The following ALPK3 variants were observed in gnomAD, a reference collection of about 807,000 sequenced individuals.
ALPK3 encodes alpha kinase 3, also known as alpha-protein kinase 3.
In ALPK3, 102 loss-of-function variants were observed where a neutral mutation model predicts 140.0. The ratio of observed to expected loss-of-function variants is 0.73; its 90% CI spans 0.62 to 0.86. The LOEUF (loss-of-function observed/expected upper bound fraction) is 0.86, where lower values mean the gene tolerates loss of function less well. Ranked by LOEUF, ALPK3 falls within the 40% of genes least tolerant of loss-of-function variation. ALPK3 has a pLI of 0.00. For missense variants in ALPK3, 2,254 were observed against 2,208.2 expected, an observed-to-expected ratio of 1.02 and a Z score of -0.42; for synonymous variants, 938 against 898.5, an observed-to-expected ratio of 1.04 and a Z score of -0.79.
intron 5 of ALPK3, among the ~76,000 whole-genome samples, chr15:84,847,673 A>C (rs1333047236): frequency 6.6e-6 from 1 of 152,244 alleles, no homozygotes; most frequent in Non-Finnish European, 1.5e-5. Flanking sequence ...TTCTACATTT[A>C]GCAAAAATAT....
At chr15:84,863,010 G>C in intron 10 of ALPK3, 95 bp downstream of exon 10, 1 of 1,495,934 alleles carries the variant, frequency 6.7e-7, no homozygotes. Flanking sequence ...TATCGAGGCA[G>C]AAGGCATCTC....
At chr15:84,826,298 A>G (rs1237345430) in intron 2 of ALPK3, among the ~76,000 whole-genome samples, 1 of 152,192 alleles carries the variant, frequency 6.6e-6, no homozygotes, top group Non-Finnish European at 1.5e-5. Flanking sequence ...CCTGGCAGAG[A>G]GGCCATGGAC....
At chr15:84,841,511 T>C (rs1963667443) in intron 5 of ALPK3, among the ~76,000 whole-genome samples, 1 of 152,210 alleles carries the variant, frequency 6.6e-6, no homozygotes, top group Non-Finnish European at 1.5e-5. Flanking sequence ...ACCTACTTCG[T>C]AGGGCTGTTG....
At position 84,858,337 on chromosome 15, in the gene ALPK3, T is replaced by C; in HGVS notation, c.3599T>C (p.Leu1200Pro). 2 of 1,558,356 alleles carry C rather than the reference T, an allele frequency of 1.3e-6. No homozygotes were observed. Among genetic ancestry groups the C allele is most frequent in the Non-Finnish European group, 1.7e-6 (2 of 1,151,552 alleles). ...TVSPRGPRKS[L>P]VPGSPGTPGR... ...TCCCCCCGGGGGCCCAGGAAAAGCCTGGTGCCTGGGTCCCCAGGGACTCCA... is the reference window on the plus strand; with the variant it reads ...TCCCCCCGGGGGCCCAGGAAAAGCCCGGTGCCTGGGTCCCCAGGGACTCCA... Residue 1200 changes from leucine (L) to proline (P), a missense_variant, in exon 6 of 14, where the codon CTG (leucine) becomes CCG (proline). By Grantham distance (98) the Leu-to-Pro change is moderately conservative (BLOSUM62 -3). This residue lies in a region of ALPK3 where 2,088 missense variants were observed against 2,022.9 expected (regional missense o/e 1.03). Coordinates refer to ENST00000258888, the MANE Select transcript of ALPK3 (RefSeq NM_020778.5).
At position 84,857,080 on chromosome 15, in the gene ALPK3, C is replaced by T. The variant is rs1399635608; in HGVS notation, c.2342C>T (p.Thr781Ile). Residue 781 changes from threonine to isoleucine, a missense_variant, in exon 6 of 14, where the codon ACA becomes ATA. Thr to Ile is a moderately conservative substitution (Grantham distance 89, BLOSUM62 -1). Coordinates refer to ENST00000258888, the MANE Select transcript of ALPK3 (RefSeq NM_020778.5). ...CCCAGATCTGAGGAGGCAGTAGTAA[C>T]AGCCTCCAGGAACCATGAGCAAACT... ...CLPRSEEAVV[T>I]ASRNHEQTVL... 9.9e-6 allele frequency: 16 copies of T among 1,614,206 alleles called. No individual in the cohort carries two copies. The highest frequency in any genetic ancestry group is 1.3e-5 in the Non-Finnish European group (15 of 1,180,020).
Position 84,840,242 on chromosome 15 carries a change from G to A in ALPK3, c.963G>A (p.Glu321=). The A allele has an allele frequency of 6.2e-7, 1 of 1,613,792 alleles. No individual in the cohort carries two copies. Among genetic ancestry groups the A allele is most frequent in the South Asian group, 1.1e-5 (1 of 91,086 alleles). Reference sequence around the variant, plus strand: ...GGGCCAAGAAGAAAAAGAAAGATGAGGAATCCAAGCAAGGCCTGCGGAAGC... The same window carrying A: ...GGGCCAAGAAGAAAAAGAAAGATGAAGAATCCAAGCAAGGCCTGCGGAAGC... ...ESGAKKKKKD[E]ESKQGLRKPE... is the part of the protein sequence containing the mutation. Residue 321 remains glutamate (E), a synonymous_variant, in exon 5 of 14, where the codon GAG becomes GAA. Transcript: ENST00000258888.
chr15:84,849,336 C>G (rs1287482879), intron 5 of ALPK3, among the ~76,000 whole-genome samples: 2 of 152,156 alleles, frequency 1.3e-5, no homozygotes, highest in Non-Finnish European at 2.9e-5. Context: ...TAACACTCCT[C>G]TCTCTCAGTA....
chr15:84,860,209 A>G, intron 9 of ALPK3, 137 bp downstream of exon 9: 1 of 1,111,238 alleles, frequency 9.0e-7, no homozygotes. Context: ...ATGGCTTGGG[A>G]GATGATGGAG....
intron 9 of ALPK3, 66 bp from the exon 10 acceptor site, chr15:84,862,569 C>A (rs1490297623): frequency 1.3e-6 from 2 of 1,526,472 alleles, no homozygotes; most frequent in Non-Finnish European, 8.8e-7. Context: ...CTTTTCCTTC[C>A]CTGTGAGCCC....
chr15:84,859,274 G>C lies in ALPK3; in HGVS notation c.3849G>C (p.Glu1283Asp), dbSNP rs774175007. 6.2e-7 allele frequency: 1 copy of C among 1,614,188 alleles called. No homozygotes were observed. The highest frequency in any genetic ancestry group is 1.7e-5 in the Admixed American group (1 of 60,028). ...AGGTGATCCGGAAGATTCGGGTGGA[G>C]CAGTTTCCTGATGCCTCCGGTAGCC... ...APQVIRKIRV[E>D]QFPDASGSLK... The change falls in exon 7 of 14, where the codon GAG becomes GAC. Residue 1283 changes from glutamate to aspartate, a missense_variant. By Grantham distance (45) the Glu-to-Asp change is conservative (BLOSUM62 2). Around this residue, in one of 3 missense-constraint regions of ALPK3, gnomAD observed 2,088 missense variants for 2,022.9 expected, o/e 1.03. Coordinates refer to ENST00000258888, the MANE Select transcript of ALPK3 (RefSeq NM_020778.5).
In ALPK3 at chr15:84,857,399, G is replaced by C. The variant is rs142125273; in HGVS notation, c.2661G>C (p.Pro887=). The C allele has an allele frequency of 1.9e-6, 3 of 1,614,102 alleles. No homozygotes were observed. Among genetic ancestry groups the C allele is most frequent in the Admixed American group, 3.3e-5 (2 of 60,030 alleles). ...CAAAGGCGGGGCCGTGTAGCACCCC[G>C]ACTTCTCAGCACGGGAGCACAGCCA... is the stretch of plus-strand genomic sequence containing the variant. ...ASPKAGPCST[P]TSQHGSTATF... The change falls in exon 6 of 14, where the codon CCG becomes CCC. Residue 887 remains proline, a synonymous_variant. Coordinates refer to ENST00000258888, the MANE Select transcript of ALPK3 (RefSeq NM_020778.5).
In ALPK3 at chr15:84,862,848, G is replaced by T. The variant is rs1360903008; in HGVS notation, c.4343G>T (p.Ser1448Ile). 6.2e-7 allele frequency: 1 copy of T among 1,614,036 alleles called. No homozygotes were observed. The highest frequency in any genetic ancestry group is 1.3e-5 in the African/African-American group (1 of 74,918). ...CGCACGTGCATCATCAAGGTGTCCA[G>T]CCTGCTTGTGTTTGGGCCCAGCAGT... is the stretch of plus-strand genomic sequence containing the variant. ...SGRTCIIKVS[S>I]LLVFGPSSET... The change falls in exon 10 of 14, where the codon AGC (serine) becomes ATC (isoleucine). Residue 1448 changes from serine (S) to isoleucine (I), a missense_variant. Coordinates refer to ENST00000258888, the MANE Select transcript of ALPK3 (RefSeq NM_020778.5).
intron 1 of ALPK3, among the ~76,000 whole-genome samples, chr15:84,822,748 C>T (rs1963441443): frequency 6.6e-6 from 1 of 152,200 alleles, no homozygotes; most frequent in Non-Finnish European, 1.5e-5. Context: ...TTGTGTGGAC[C>T]ATGGAGCTGG....
Position 84,823,344 on chromosome 15 carries a change from G to A in ALPK3, c.158G>A (p.Arg53Gln), listed in dbSNP as rs145993158. 3.7e-3 allele frequency: 6,049 copies of A among 1,614,104 alleles called. 18 individuals carry two copies. The highest frequency in any genetic ancestry group is 3.9e-3 in the Non-Finnish European group (4,659 of 1,180,022). ...VRPETSLSSN[R>Q]LSHPSSGRST... Reference sequence around the variant, plus strand: ...TTTTTGCTTAGCTTATCAAGCAACCGGTTGTCTCACCCCAGCTCTGGAAGG... The same window carrying A: ...TTTTTGCTTAGCTTATCAAGCAACCAGTTGTCTCACCCCAGCTCTGGAAGG... Residue 53 changes from arginine (R) to glutamine (Q), a missense_variant, in exon 2 of 14, where the codon CGG (arginine) becomes CAG (glutamine). Arg to Gln is a conservative substitution (Grantham distance 43, BLOSUM62 1). Around this residue, in one of 3 missense-constraint regions of ALPK3, gnomAD observed 2,088 missense variants for 2,022.9 expected, o/e 1.03. Coordinates refer to ENST00000258888, the MANE Select transcript of ALPK3 (RefSeq NM_020778.5).
chr15:84,865,631 T>C (rs1239246154), intron 12 of ALPK3, among the ~76,000 whole-genome samples: 2 of 152,228 alleles, frequency 1.3e-5, no homozygotes, highest in East Asian at 3.8e-4. Flanking sequence ...TAGACCAGTT[T>C]CTACTGTGAG....
chr15:84,821,791 C>G (rs923378880), intron 1 of ALPK3, among the ~76,000 whole-genome samples: 2 of 152,158 alleles, frequency 1.3e-5, no homozygotes, highest in African/African-American at 4.8e-5. Context: ...CTGTGCAGCA[C>G]TGCACTAGGA....
intron 5 of ALPK3, among the ~76,000 whole-genome samples, chr15:84,844,868 G>A (rs1963710905): frequency 1.3e-5 from 2 of 151,774 alleles, no homozygotes; most frequent in Non-Finnish European, 2.9e-5. Flanking sequence ...AAAAAAAAAA[G>A]GTGGAAAAGA....
chr15:84,839,862 G>C lies in ALPK3; in HGVS notation c.583G>C (p.Glu195Gln), dbSNP rs745476445. The C allele has an allele frequency of 5.0e-6, 8 of 1,614,104 alleles. No homozygotes were observed. The highest frequency in any genetic ancestry group is 6.8e-6 in the Non-Finnish European group (8 of 1,180,046). The part of the protein sequence containing the change: ...LKRKAAAKLR[E>Q]IEQSWKHEKA... Reference sequence around the variant, plus strand: ...GCGCAAGGCTGCGGCAAAGCTGCGCGAGATCGAGCAGAGCTGGAAGCACGA... The same window carrying C: ...GCGCAAGGCTGCGGCAAAGCTGCGCCAGATCGAGCAGAGCTGGAAGCACGA... The change falls in exon 5 of 14, where the codon GAG (glutamate) becomes CAG (glutamine). Residue 195 changes from glutamate (E) to glutamine (Q), a missense_variant. Glu to Gln is a conservative substitution (Grantham distance 29). Transcript: ENST00000258888.
chr15:84,858,270 G>A lies in ALPK3; in HGVS notation c.3532G>A (p.Gly1178Arg), dbSNP rs377179290. The change falls in exon 6 of 14, where the codon GGG becomes AGG. Residue 1178 changes from glycine to arginine, a missense_variant. Gly to Arg is a moderately radical substitution (Grantham distance 125, BLOSUM62 -2). Around this residue, in one of 3 missense-constraint regions of ALPK3, gnomAD observed 2,088 missense variants for 2,022.9 expected, o/e 1.03. Coordinates refer to ENST00000258888, the MANE Select transcript of ALPK3 (RefSeq NM_020778.5). ...FLPKVRAAGD[G>R]EATTPEERES... is the part of the protein sequence containing the mutation. ...CCCTAAGGTCAGAGCAGCAGGAGAC[G>A]GGGAGGCAACCACACCTGAAGAAAG... 1.8e-5 allele frequency: 28 copies of A among 1,593,680 alleles called. No homozygotes were observed. Among genetic ancestry groups the A allele is most frequent in the South Asian group, 3.4e-5 (3 of 88,170 alleles).
Sources: gnomAD v4.1 joint callset for allele counts (sites outside exome capture counted in the v4.1 genomes callset) on GRCh38, gnomAD v4.1.1 for gene constraint, gnomAD v4.1.1 regional missense constraint, MANE v1.5 for transcripts, NCBI Gene and HGNC (gene_info 2026-07-23, HGNC 2026-07-21) for gene names.